The following FBXL14 variants were observed in gnomAD, a reference collection of about 807,000 sequenced individuals.
FBXL14 encodes F-box/LRR-repeat protein 14.
FBXL14 carries 11 observed loss-of-function variants against 24.5 expected under a neutral mutation model. That is an observed-to-expected ratio of 0.45 (90% CI 0.28 to 0.74). The LOEUF is 0.74. FBXL14 is among the 30% of genes least tolerant of loss of function. The pLI, the probability that FBXL14 is intolerant of heterozygous loss-of-function variation, is 0.12. For synonymous variants in FBXL14, 294 were observed against 240.4 expected, an observed-to-expected ratio of 1.22 and a Z score of -2.06; for missense variants, 384 against 545.6, an observed-to-expected ratio of 0.70 and a Z score of 2.95.
chr12:1,589,640 C>G (rs1044457062), intron 1 of FBXL14, among the ~76,000 whole-genome samples: 5 of 152,232 alleles, frequency 3.3e-5, no homozygotes, highest in Non-Finnish European at 7.4e-5. Flanking sequence ...TTAAAACTTA[C>G]AAGTACCTTG....
rs1354577787 is a variant in FBXL14 at position 1,593,464 on chromosome 12, G to A, written c.603C>T (p.Cys201=). Residue 201 remains cysteine (C), a synonymous_variant, in exon 1 of 2, where the codon TGC becomes TGT. Transcript: ENST00000339235. This position sits in a 1 kb window ranked among gnomAD's most constrained non-coding sequence, Gnocchi z 7.4. ...GTAGCGTGAGCTGCTCCAGGCCCAG[G>A]CAGCCCTCCGCCGCGCTGCGCGTCA... ...AGMTRSAAEG[C]LGLEQLTLQD... The A allele has an allele frequency of 1.9e-6, 3 of 1,613,930 alleles. No homozygotes were observed. The Admixed American group carries it at 5.0e-5, about 27-fold the overall frequency.
intron 1 of FBXL14, among the ~76,000 whole-genome samples, chr12:1,591,861 A>G (rs576732129): frequency 8.7e-4 from 132 of 152,308 alleles, no homozygotes; most frequent in African/African-American, 2.7e-3. Flanking sequence ...ATATATAATC[A>G]TCATTTTCAA....
intron 1 of FBXL14, among the ~76,000 whole-genome samples, chr12:1,577,764 T>G (rs1470320256): frequency 6.6e-6 from 1 of 152,166 alleles, no homozygotes; most frequent in African/African-American, 2.4e-5. Context: ...AGATGGCAGG[T>G]GAAACAGGTA....
At chr12:1,572,829 C>G (rs1270140291) in intron 1 of FBXL14, among the ~76,000 whole-genome samples, 1 of 143,616 alleles carries the variant, frequency 7.0e-6, no homozygotes, top group African/African-American at 2.7e-5. Flanking sequence ...GTGATGAGGA[C>G]TGACTTAGGG....
In FBXL14 at chr12:1,571,357, C is replaced by T. The variant is rs528669554; in HGVS notation, c.1195-4547G>A. ...TCGAGTGGCTGGGATTACAGGCATG[C>T]GCCACCACACCCGGCTAATTTTGTA... On this transcript the variant is annotated intron_variant, in intron 1 of 1. Coordinates refer to ENST00000339235, the MANE Select transcript of FBXL14 (RefSeq NM_152441.3). 1.8e-3 allele frequency among the ~76,000 whole-genome samples: 269 copies of T among 152,140 alleles called. 1 individual carries two copies. Among genetic ancestry groups the T allele is most frequent in the African/African-American group, 6.1e-3 (254 of 41,540 alleles).
intron 1 of FBXL14, among the ~76,000 whole-genome samples, chr12:1,582,800 C>G (rs2094469232): frequency 6.6e-6 from 1 of 152,210 alleles, no homozygotes; most frequent in Admixed American, 6.5e-5. Flanking sequence ...TTTCCCACTT[C>G]TACACCTGCC....
intron 1 of FBXL14, among the ~76,000 whole-genome samples, chr12:1,587,969 G>A (rs2094480369): frequency 6.6e-6 from 1 of 152,176 alleles, no homozygotes. Context: ...CTTTTAAAAG[G>A]GGTGATGTTT....
rs1024419774 is a variant in FBXL14 at position 1,566,237 on chromosome 12, G to A, written c.*511C>T. ...GGGAAACTGCTAGGCAGGTCATCCAGATGTATTTTCTTTGGGGAGTTGTGA... is the reference window on the plus strand; with the variant it reads ...GGGAAACTGCTAGGCAGGTCATCCAAATGTATTTTCTTTGGGGAGTTGTGA... On this transcript the variant is annotated 3_prime_UTR_variant, in exon 2 of 2. Coordinates refer to ENST00000339235, the MANE Select transcript of FBXL14 (RefSeq NM_152441.3). 1 of 152,548 alleles carries A rather than the reference G, an allele frequency of 6.6e-6. No homozygotes were observed. Among genetic ancestry groups the A allele is most frequent in the African/African-American group, 2.4e-5 (1 of 41,444 alleles). The allele number at this position is 152,548 out of a possible 1,614,324, so 9.4% of individuals were successfully genotyped here. A position where few individuals can be genotyped will look rare whatever the true frequency, so the allele number is the denominator to read the frequency against.
At chr12:1,574,284 G>A (rs144643920) in intron 1 of FBXL14, among the ~76,000 whole-genome samples, 63 of 151,876 alleles carry the variant, frequency 4.1e-4, no homozygotes, top group South Asian at 8.4e-4. Flanking sequence ...TTTCGCCAGC[G>A]CCCCAGTGAT....
chr12:1,573,545 G>A (rs2094449144), intron 1 of FBXL14, among the ~76,000 whole-genome samples: 1 of 152,200 alleles, frequency 6.6e-6, no homozygotes, highest in Non-Finnish European at 1.5e-5. Context: ...GGGGCCAGAA[G>A]TGCCGATACC....
At chr12:1,574,397 T>G (rs976808334) in intron 1 of FBXL14, among the ~76,000 whole-genome samples, 2 of 48,632 alleles carry the variant, frequency 4.1e-5, no homozygotes, top group African/African-American at 7.4e-5. Context: ...GAGGCTGGGG[T>G]GGGGGAGGCT....
intron 1 of FBXL14, among the ~76,000 whole-genome samples, chr12:1,588,953 G>T (rs192323760): frequency 2.6e-5 from 4 of 151,588 alleles, no homozygotes; most frequent in Admixed American, 6.6e-5. Context: ...TATTCCCTTT[G>T]AAGTACTGCC....
In FBXL14 at chr12:1,567,889, G is replaced by A. The variant is rs1200390143; in HGVS notation, c.1195-1079C>T. Among the ~76,000 whole-genome samples, 6 of 152,030 alleles carry A rather than the reference G, an allele frequency of 3.9e-5. No homozygotes were observed. Among genetic ancestry groups the A allele is most frequent in the South Asian group, 2.1e-4 (1 of 4,814 alleles). On this transcript the variant is annotated intron_variant, in intron 1 of 1. Transcript: ENST00000339235. This position sits in a 1 kb window ranked among gnomAD's most constrained non-coding sequence, Gnocchi z 4.8. ...AGAAAACCCACCCACACGCACACGC[G>A]CGCACACACGTGCGCACACACACAG...
intron 1 of FBXL14, among the ~76,000 whole-genome samples, chr12:1,584,191 A>T (rs963081630): frequency 1.3e-5 from 2 of 152,024 alleles, no homozygotes; most frequent in Non-Finnish European, 2.9e-5. Flanking sequence ...CAAAAAAAAA[A>T]TAATAATAGT....
rs1268432162 is a variant in FBXL14, at chr12:1,569,561, C to T, written c.1195-2751G>A. On this transcript the variant is annotated intron_variant, in intron 1 of 1. Transcript: ENST00000339235. The surrounding 1 kb of genome is among the most constrained non-coding windows in gnomAD (Gnocchi z 4.2). ...GATTACAGGCGCCCGCCACCACGCC[C>T]GGCTAATTTTTTGTGTTTTTAGTAG... Among the ~76,000 whole-genome samples, 3 of 152,110 alleles carry T rather than the reference C, an allele frequency of 2.0e-5. No individual in the cohort carries two copies. Among genetic ancestry groups the T allele is most frequent in the African/African-American group, 4.8e-5 (2 of 41,420 alleles).
At chr12:1,592,149 G>GA (rs1251201179) in intron 1 of FBXL14, among the ~76,000 whole-genome samples, 1 of 146,748 alleles carries the variant, frequency 6.8e-6, no homozygotes, top group African/African-American at 2.5e-5. Context: ...CAGGGCTTCA[G>GA]AAAAAAAGTA....
At position 1,593,790 on chromosome 12, in the gene FBXL14, C is replaced by T; in HGVS notation, c.277G>A (p.Glu93Lys). 1 of 1,614,148 alleles carries T rather than the reference C, an allele frequency of 6.2e-7. No individual in the cohort carries two copies. The highest frequency in any genetic ancestry group is 1.1e-5 in the South Asian group (1 of 91,082). ...TAGCAGCCGCTGAGGTTGAGGCTCT[C>T]GATGTTGGCCATGCCCTGGATCACG... Reference protein sequence around the residue: ...SYVIQGMANIESLNLSGCYNL... With the variant: ...SYVIQGMANIKSLNLSGCYNL... Residue 93 changes from glutamate to lysine, a missense_variant, in exon 1 of 2, where the codon GAG (glutamate) becomes AAG (lysine). By Grantham distance (56) the Glu-to-Lys change is moderately conservative. Coordinates refer to ENST00000339235, the MANE Select transcript of FBXL14 (RefSeq NM_152441.3). This position sits in a 1 kb window ranked among gnomAD's most constrained non-coding sequence, Gnocchi z 7.4.
At chr12:1,591,687 C>A (rs780642965) in intron 1 of FBXL14, among the ~76,000 whole-genome samples, 34 of 152,070 alleles carry the variant, frequency 2.2e-4, no homozygotes, top group Admixed American at 7.2e-4. Flanking sequence ...TTTTTAAAAC[C>A]CACAAACTCC....
At chr12:1,587,592 TTGTCTAGAAA>T (rs2154438257) in intron 1 of FBXL14, 1 of 152,316 alleles carries the variant, frequency 6.6e-6, no homozygotes, top group African/African-American at 2.4e-5. Context: ...AATTTACCAA[TTGTCTAGAAA>T]TTCCATACAA....
Sources: gnomAD v4.1 joint callset for allele counts (sites outside exome capture counted in the v4.1 genomes callset) on GRCh38, gnomAD v4.1.1 for gene constraint, Gnocchi (gnomAD v3.1) non-coding constraint, MANE v1.5 for transcripts, NCBI Gene and HGNC (gene_info 2026-07-23, HGNC 2026-07-21) for gene names.